The following CDIP1 variants were observed in gnomAD, a reference collection of about 807,000 sequenced individuals.
CDIP1 encodes cell death inducing p53 target 1.
In CDIP1, 9 loss-of-function variants were observed where a neutral mutation model predicts 17.7. The observed-to-expected ratio is 0.51, with a 90% confidence interval of 0.31 to 0.89. CDIP1 has a LOEUF of 0.89. Ranked by LOEUF, CDIP1 falls within the 40% of genes least tolerant of loss-of-function variation. The pLI is 0.05. For missense variants in CDIP1, 263 were observed against 277.9 expected, an observed-to-expected ratio of 0.95 and a Z score of 0.38; for synonymous variants, 117 against 109.5, an observed-to-expected ratio of 1.07 and a Z score of -0.43.
Position 4,512,424 on chromosome 16 carries a change from G to A in CDIP1, c.*148C>T, listed in dbSNP as rs1179296837. 2 of 650,354 alleles carry A rather than the reference G, an allele frequency of 3.1e-6. No individual in the cohort carries two copies. The highest frequency in any genetic ancestry group is 3.5e-5 in the South Asian group (2 of 57,036). 40.3% of individuals were successfully genotyped at this position (650,354 alleles called of 1,614,324 possible). Reference sequence around the variant, plus strand: ...TTTGCCAGAAGAGTCAGCGGCTCAGGTAGGGCAGGGTGAAGAGGACAGGAC... The same window carrying A: ...TTTGCCAGAAGAGTCAGCGGCTCAGATAGGGCAGGGTGAAGAGGACAGGAC... On this transcript the variant is annotated 3_prime_UTR_variant, in exon 6 of 6. Transcript: ENST00000567695. This position sits in a 1 kb window ranked among gnomAD's most constrained non-coding sequence, Gnocchi z 4.6.
chr16:4,534,701 T>G (rs1408480571), intron 1 of CDIP1, among the ~76,000 whole-genome samples: 8 of 144,054 alleles, frequency 5.6e-5, no homozygotes, highest in East Asian at 2.0e-4. Context: ...TTTTTTTTTT[T>G]TTTTTTTTTT....
rs1407649524 is a variant in CDIP1 at position 4,512,546 on chromosome 16, CGGG to C, written c.*23_*25del. ...AAGCACAGGGGGCCAGACTGACAGG[CGGG>C]GGAGTCCCGAGTCCCAGCTCCGTTA... On this transcript the variant is annotated 3_prime_UTR_variant, in exon 6 of 6. Transcript: ENST00000567695. The surrounding 1 kb of genome is among the most constrained non-coding windows in gnomAD (Gnocchi z 4.6). 6.6e-7 allele frequency: 1 copy of C among 1,526,322 alleles called. No homozygotes were observed. The highest frequency in any genetic ancestry group is 1.7e-5 in the Admixed American group (1 of 59,810). 94.5% of individuals were successfully genotyped at this position (1,526,322 alleles called of 1,614,324 possible). A position where few individuals can be genotyped will look rare whatever the true frequency, so the allele number is the denominator to read the frequency against.
At position 4,513,909 on chromosome 16, in the gene CDIP1, G is replaced by A. The variant is rs997792214; in HGVS notation, c.86-58C>T. On this transcript the variant is annotated intron_variant, in intron 3 of 5. Coordinates refer to ENST00000567695, the MANE Select transcript of CDIP1 (RefSeq NM_013399.3). This position sits in a 1 kb window ranked among gnomAD's most constrained non-coding sequence, Gnocchi z 4.1. Reference sequence around the variant, plus strand: ...GCTGGAGCCTCTGCACGATGAGCTCGACCAGAGGCCACTGTTTTGGGACAC... The same window carrying A: ...GCTGGAGCCTCTGCACGATGAGCTCAACCAGAGGCCACTGTTTTGGGACAC... 4.8e-5 allele frequency: 71 copies of A among 1,480,140 alleles called. No individual in the cohort carries two copies. Among genetic ancestry groups the A allele is most frequent in the East Asian group, 3.5e-4 (15 of 42,320 alleles). 91.7% of individuals were successfully genotyped at this position (1,480,140 alleles called of 1,614,324 possible).
Position 4,512,896 on chromosome 16 carries a change from G to A in CDIP1, c.410C>T (p.Pro137Leu), listed in dbSNP as rs1389328620. 6.4e-7 allele frequency: 1 copy of A among 1,568,980 alleles called. No individual in the cohort carries two copies. The highest frequency in any genetic ancestry group is 8.6e-7 in the Non-Finnish European group (1 of 1,156,708). Residue 137 changes from proline (P) to leucine (L), a missense_variant, in exon 5 of 6, where the codon CCT becomes CTT. Coordinates refer to ENST00000567695, the MANE Select transcript of CDIP1 (RefSeq NM_013399.3). The surrounding 1 kb of genome is among the most constrained non-coding windows in gnomAD (Gnocchi z 4.6). ...VLQGEIFEGA[P>L]VQTVCPHCQQ... is the part of the protein sequence containing the mutation. ...GCAGTGGGGACACACCGTCTGCACA[G>A]GCGCTCCCTCAAAGATCTCTCCCTG...
intron 1 of CDIP1, among the ~76,000 whole-genome samples, chr16:4,522,985 C>T (rs1045097975): frequency 3.3e-5 from 5 of 152,180 alleles, no homozygotes; most frequent in Non-Finnish European, 7.3e-5. Context: ...CTTACTGAAC[C>T]ACTGTAACGG....
At position 4,513,618 on chromosome 16, in the gene CDIP1, T is replaced by C. The variant is rs1248845633; in HGVS notation, c.241+78A>G. The C allele has an allele frequency of 1.5e-6, 2 of 1,321,306 alleles. No homozygotes were observed. Among genetic ancestry groups the C allele is most frequent in the African/African-American group, 1.5e-5 (1 of 68,906 alleles). 81.8% of individuals were successfully genotyped at this position (1,321,306 alleles called of 1,614,324 possible). On this transcript the variant is annotated intron_variant, in intron 4 of 5. Coordinates refer to ENST00000567695, the MANE Select transcript of CDIP1 (RefSeq NM_013399.3). This position sits in a 1 kb window ranked among gnomAD's most constrained non-coding sequence, Gnocchi z 4.1. ...CCCTGCCCTACAGCAGATGCCCACC[T>C]GTACTGAGGACAGCCAGCGCAGGCC...
intron 1 of CDIP1, among the ~76,000 whole-genome samples, chr16:4,527,453 T>C (rs895622112): frequency 1.3e-5 from 2 of 152,164 alleles, no homozygotes; most frequent in African/African-American, 4.8e-5. Flanking sequence ...GTTCTAAACC[T>C]AAAAGTACTA....
Position 4,513,903 on chromosome 16 carries a change from G to A in CDIP1, c.86-52C>T, listed in dbSNP as rs755220374. On this transcript the variant is annotated intron_variant, in intron 3 of 5. Coordinates refer to ENST00000567695, the MANE Select transcript of CDIP1 (RefSeq NM_013399.3). The surrounding 1 kb of genome is among the most constrained non-coding windows in gnomAD (Gnocchi z 4.1). Reference sequence around the variant, plus strand: ...GACTGAGCTGGAGCCTCTGCACGATGAGCTCGACCAGAGGCCACTGTTTTG... The same window carrying A: ...GACTGAGCTGGAGCCTCTGCACGATAAGCTCGACCAGAGGCCACTGTTTTG... 2 of 1,495,282 alleles carry A rather than the reference G, an allele frequency of 1.3e-6. No homozygotes were observed. The highest frequency in any genetic ancestry group is 2.2e-5 in the Admixed American group (1 of 44,960). 92.6% of individuals were successfully genotyped at this position (1,495,282 alleles called of 1,614,324 possible).
chr16:4,517,835 C>T (rs2058904030), intron 1 of CDIP1, among the ~76,000 whole-genome samples: 1 of 152,138 alleles, frequency 6.6e-6, no homozygotes, highest in South Asian at 2.1e-4. Context: ...CCTAGCCTGC[C>T]AGGTGCCCTC....
chr16:4,522,995 G>C (rs1382463781), intron 1 of CDIP1, among the ~76,000 whole-genome samples: 1 of 152,184 alleles, frequency 6.6e-6, no homozygotes, highest in African/African-American at 2.4e-5. Flanking sequence ...CACTGTAACG[G>C]GCCATGCAGC....
rs2058839772 is a variant in CDIP1 at position 4,512,377 on chromosome 16, G to A, written c.*195C>T. The A allele has an allele frequency of 1.6e-6, 1 of 606,194 alleles. No homozygotes were observed. The highest frequency in any genetic ancestry group is 3.0e-6 in the Non-Finnish European group (1 of 335,708). 37.6% of individuals were successfully genotyped at this position (606,194 alleles called of 1,614,324 possible). ...AGCCCCCTGCCACCCACTGACCCTT[G>A]GCCTTAAATCCCAACAGAATTTTTG... On this transcript the variant is annotated 3_prime_UTR_variant, in exon 6 of 6. Coordinates refer to ENST00000567695, the MANE Select transcript of CDIP1 (RefSeq NM_013399.3). The surrounding 1 kb of genome is among the most constrained non-coding windows in gnomAD (Gnocchi z 4.6).
In CDIP1 at chr16:4,514,229, T is replaced by C. The variant is rs2058865653; in HGVS notation, c.-14-85A>G. The C allele has an allele frequency of 2.7e-6, 2 of 754,418 alleles. No homozygotes were observed. Among genetic ancestry groups the C allele is most frequent in the Non-Finnish European group, 4.3e-6 (2 of 470,084 alleles). The allele number at this position is 754,418 out of a possible 1,614,324, so 46.7% of individuals were successfully genotyped here. On this transcript the variant is annotated intron_variant, in intron 2 of 5. Coordinates refer to ENST00000567695, the MANE Select transcript of CDIP1 (RefSeq NM_013399.3). The surrounding 1 kb of genome is among the most constrained non-coding windows in gnomAD (Gnocchi z 5.2). ...CAGCCCTGTGGGGTGGCCAAGATGC[T>C]GCACAAGGCGTGTGACCATCCTCAG...
chr16:4,513,065 C>G lies in CDIP1; in HGVS notation c.242-1G>C. On this transcript the variant is annotated splice_acceptor_variant, in intron 4 of 5. Transcript: ENST00000567695. LOFTEE classifies it high-confidence loss of function. The surrounding 1 kb of genome is among the most constrained non-coding windows in gnomAD (Gnocchi z 4.1). ...TGGGGGCCTGGAGGAGGGTAGAAAC[C>G]TGGAATGGCACAGAAGATGGAGGCG... The G allele has an allele frequency of 6.3e-7, 1 of 1,585,626 alleles. No individual in the cohort carries two copies.
intron 1 of CDIP1, among the ~76,000 whole-genome samples, chr16:4,534,702 T>G (rs4786520): frequency 0.55 from 80,899 of 147,450 alleles, 25,326 homozygotes; most frequent in Non-Finnish European, 0.7. Context: ...TTTTTTTTTT[T>G]TTTTTTTTTT....
chr16:4,526,129 A>T (rs1271066817), intron 1 of CDIP1, among the ~76,000 whole-genome samples: 2 of 152,142 alleles, frequency 1.3e-5, no homozygotes, highest in African/African-American at 4.8e-5. Flanking sequence ...CAGCCTAGCC[A>T]GGCACGGTGG....
At chr16:4,524,009 C>T (rs1198227909) in intron 1 of CDIP1, 1 of 152,264 alleles carries the variant, frequency 6.6e-6, no homozygotes. Flanking sequence ...AGCCTTGTTG[C>T]ATTGTGGCAC....
At position 4,513,658 on chromosome 16, in the gene CDIP1, A is replaced by T. The variant is rs2058856946; in HGVS notation, c.241+38T>A. The T allele has an allele frequency of 6.3e-7, 1 of 1,584,126 alleles. No homozygotes were observed. The highest frequency in any genetic ancestry group is 1.7e-5 in the Admixed American group (1 of 58,182). ...CAGCGCAGGCCAGACAGCAGCCAGG[A>T]GTTCCCCATGCTCCCCTCAGATCCC... is the stretch of plus-strand genomic sequence containing the variant. On this transcript the variant is annotated intron_variant, in intron 4 of 5. Transcript: ENST00000567695. The surrounding 1 kb of genome is among the most constrained non-coding windows in gnomAD (Gnocchi z 4.1).
At chr16:4,529,825 G>C (rs542449562) in intron 1 of CDIP1, among the ~76,000 whole-genome samples, 1 of 152,252 alleles carries the variant, frequency 6.6e-6, no homozygotes, top group Non-Finnish European at 1.5e-5. Context: ...GTTAAGTGCA[G>C]TCAAGACACG....
intron 1 of CDIP1, among the ~76,000 whole-genome samples, chr16:4,518,070 T>A (rs1225587016): frequency 6.6e-6 from 1 of 152,196 alleles, no homozygotes; most frequent in African/African-American, 2.4e-5. Flanking sequence ...TGGGATGCTC[T>A]GAGCAGACCA....
Sources: allele counts gnomAD v4.1 joint callset (sites outside exome capture counted in the v4.1 genomes callset), GRCh38; gene constraint gnomAD v4.1.1; non-coding constraint Gnocchi (gnomAD v3.1); transcripts MANE v1.5; gene names NCBI Gene and HGNC (gene_info 2026-07-23, HGNC 2026-07-21).